The following TRPM7 variants were observed in gnomAD, a reference collection of about 807,000 sequenced individuals.
TRPM7 encodes LTRPC ion channel family member 7.
Under a neutral mutation model 229.7 loss-of-function variants are expected in TRPM7, and 134 were observed. That is an observed-to-expected ratio of 0.58 (90% CI 0.51 to 0.67). The LOEUF is 0.67. Among genes scored for constraint, TRPM7 ranks in the 30% least tolerant of loss-of-function variants. The pLI is 0.00. For synonymous variants in TRPM7, 699 were observed against 715.2 expected (o/e 0.98, Z 0.36); for missense variants, 1,901 against 2,210.0 (o/e 0.86, Z 2.80).
chr15:50,629,997 G>A (rs916775738), intron 10 of TRPM7, among the ~76,000 whole-genome samples: 2 of 151,522 alleles, frequency 1.3e-5, no homozygotes, highest in African/African-American at 2.4e-5. Flanking sequence ...GAGTAGCCGG[G>A]ACTACAGGCA....
At position 50,662,903 on chromosome 15, in the gene TRPM7, A is replaced by C. The variant is rs1217442312; in HGVS notation, c.83+64T>G. On this transcript the variant is annotated intron_variant, in intron 2 of 38. Transcript: ENST00000646667. ...TTAGTGGTTTTTGTTTCCAATAAAG[A>C]AATAACAATATAATTTACACTAAAA... The C allele has an allele frequency of 2.2e-5, 26 of 1,173,096 alleles. No homozygotes were observed. In the East Asian group the frequency reaches 6.2e-4, roughly 28 times the overall value. The allele number at this position is 1,173,096 out of a possible 1,614,324, so 72.7% of individuals were successfully genotyped here.
intron 3 of TRPM7, among the ~76,000 whole-genome samples, chr15:50,650,232 T>G (rs1334019328): frequency 7.1e-6 from 1 of 140,458 alleles, no homozygotes; most frequent in East Asian, 2.1e-4. Flanking sequence ...GAATAACTAC[T>G]TAAGGCAAAG....
chr15:50,622,109 T>G (rs751352458), intron 12 of TRPM7, among the ~76,000 whole-genome samples: 1 of 152,086 alleles, frequency 6.6e-6, no homozygotes, highest in Non-Finnish European at 1.5e-5. Flanking sequence ...GAACAAATAT[T>G]TATGTTAATA....
At chr15:50,640,177 C>T (rs75566543) in intron 5 of TRPM7, among the ~76,000 whole-genome samples, 4,490 of 152,220 alleles carry the variant, frequency 0.029, 242 homozygotes, top group African/African-American at 0.1. Context: ...CACACACACA[C>T]ACAATAAACA....
intron 8 of TRPM7, among the ~76,000 whole-genome samples, chr15:50,633,558 A>G (rs1379096117): frequency 6.6e-6 from 1 of 152,142 alleles, no homozygotes; most frequent in Non-Finnish European, 1.5e-5. Context: ...CTTTTATTCT[A>G]TATAAAAAGT....
chr15:50,567,051 AAT>A (rs2053631153), intron 38 of TRPM7, among the ~76,000 whole-genome samples: 2 of 152,036 alleles, frequency 1.3e-5, no homozygotes, highest in Admixed American at 6.5e-5. Context: ...TAAAAAAAAA[AAT>A]GGACCAATTC....
intron 25 of TRPM7, 61 bp downstream of exon 25, chr15:50,593,556 A>G: frequency 6.6e-7 from 1 of 1,526,424 alleles, no homozygotes; most frequent in Non-Finnish European, 8.9e-7. Flanking sequence ...CATGTATAAG[A>G]AATATAACGA....
At chr15:50,604,835 C>A in intron 21 of TRPM7, 31 bp downstream of exon 21, 2 of 1,517,764 alleles carry the variant, frequency 1.3e-6, no homozygotes, top group Non-Finnish European at 1.8e-6. Context: ...TCAATAAACC[C>A]ACGAGTATTA....
chr15:50,592,178 CAGA>C lies in TRPM7; in HGVS notation c.4054_4056del (p.Ser1352del). On this transcript the variant is annotated inframe_deletion, in exon 26 of 39. Coordinates refer to ENST00000646667, the MANE Select transcript of TRPM7 (RefSeq NM_017672.6). ...GAAACAGCACTTGGGAATAAGGCAC[CAGA>C]AGAGGAACCAGCCTCTGGAAAATTA... The C allele has an allele frequency of 6.2e-7, 1 of 1,614,048 alleles. No individual in the cohort carries two copies. Among genetic ancestry groups the C allele is most frequent in the Non-Finnish European group, 8.5e-7 (1 of 1,179,986 alleles).
chr15:50,575,149 G>A lies in TRPM7; in HGVS notation c.4736-14C>T, dbSNP rs1263078515. 2.1e-5 allele frequency: 32 copies of A among 1,526,020 alleles called. No homozygotes were observed. The highest frequency in any genetic ancestry group is 1.7e-4 in the Middle Eastern group (1 of 5,716). 94.5% of individuals were successfully genotyped at this position (1,526,020 alleles called of 1,614,324 possible). A position where few individuals can be genotyped will look rare whatever the true frequency, so the allele number is the denominator to read the frequency against. ...TGACAGGCTCCCCTGCAACACAAAT[G>A]GAAAAAGTTTAAGATTAAATTGTGA... On this transcript the variant is annotated splice_polypyrimidine_tract_variant and intron_variant, in intron 33 of 38. Transcript: ENST00000646667.
At chr15:50,652,887 C>CA in intron 3 of TRPM7, among the ~76,000 whole-genome samples, 1 of 152,202 alleles carries the variant, frequency 6.6e-6, no homozygotes, top group Middle Eastern at 3.4e-3. Context: ...CTAGGCCGGG[C>CA]ACACTGGCTC....
At chr15:50,598,924 C>T (rs1596146462) in intron 22 of TRPM7, among the ~76,000 whole-genome samples, 198 bp downstream of exon 22, 1 of 152,272 alleles carries the variant, frequency 6.6e-6, no homozygotes, top group Middle Eastern at 3.4e-3. Flanking sequence ...ACTTCTAATA[C>T]CTGCCACTAA....
chr15:50,646,025 G>A (rs1456794680), intron 4 of TRPM7, among the ~76,000 whole-genome samples: 1 of 151,464 alleles, frequency 6.6e-6, no homozygotes, highest in Non-Finnish European at 1.5e-5. Context: ...GCTGAAGCAG[G>A]AGAATCGCTT....
At chr15:50,646,275 GT>G (rs2061262602) in intron 4 of TRPM7, among the ~76,000 whole-genome samples, 1 of 152,026 alleles carries the variant, frequency 6.6e-6, no homozygotes, top group Admixed American at 6.6e-5. Context: ...GGTTAAAATG[GT>G]TTTTGCTGTT....
At chr15:50,670,855 C>G (rs1466376488) in intron 1 of TRPM7, among the ~76,000 whole-genome samples, 2 of 143,288 alleles carry the variant, frequency 1.4e-5, no homozygotes, top group Non-Finnish European at 3.1e-5. Context: ...ATACTATCAA[C>G]AACTCTGTGC....
chr15:50,571,182 C>T (rs1339851182), intron 36 of TRPM7, among the ~76,000 whole-genome samples: 2 of 152,094 alleles, frequency 1.3e-5, no homozygotes, highest in Non-Finnish European at 2.9e-5. Flanking sequence ...AGAATTAAAA[C>T]ACGATACTAT....
At chr15:50,597,912 C>T (rs1596143826) in intron 22 of TRPM7, among the ~76,000 whole-genome samples, 3 of 151,488 alleles carry the variant, frequency 2.0e-5, no homozygotes, top group Admixed American at 1.3e-4. Context: ...CGGTGAGACT[C>T]GGTCTCAAAA....
At chr15:50,686,506 G>A (rs758940964) in intron 1 of TRPM7, 25 bp downstream of exon 1, 2 of 1,613,744 alleles carry the variant, frequency 1.2e-6, no homozygotes, top group Non-Finnish European at 1.7e-6. Flanking sequence ...ACCATTCCCC[G>A]CCCGGGCCTG....
intron 28 of TRPM7, 134 bp from the exon 29 acceptor site, chr15:50,583,293 A>G (rs778272485): frequency 2.0e-6 from 1 of 498,542 alleles, no homozygotes; most frequent in Non-Finnish European, 3.5e-6. Context: ...CACGCTGAAC[A>G]CAAGAGTTAC....
Sources: gnomAD v4.1 joint callset for allele counts (sites outside exome capture counted in the v4.1 genomes callset) on GRCh38, gnomAD v4.1.1 for gene constraint, MANE v1.5 for transcripts, NCBI Gene and HGNC (gene_info 2026-07-23, HGNC 2026-07-21) for gene names.